SLC17A6: variants seen among roughly 807,000 people sequenced by gnomAD.
SLC17A6 encodes solute carrier family 17 member 6, also known as vesicular glutamate transporter 2.
SLC17A6 carries 35 observed loss-of-function variants against 67.1 expected under a neutral mutation model. That is an observed-to-expected ratio of 0.52 (90% CI 0.40 to 0.69). SLC17A6 has a LOEUF of 0.69. Among genes scored for constraint, SLC17A6 ranks in the 30% least tolerant of loss-of-function variants. The pLI is 0.00. For missense variants in SLC17A6, 588 were observed against 723.9 expected (o/e 0.81, Z 2.15); for synonymous variants, 285 against 252.3 (o/e 1.13, Z -1.23).
At chr11:22,375,557 C>G (rs1282671737) in intron 9 of SLC17A6, among the ~76,000 whole-genome samples, 1 of 151,466 alleles carries the variant, frequency 6.6e-6, no homozygotes, top group East Asian at 2.0e-4. Flanking sequence ...CTCGGCTCAC[C>G]ACAACCCCCG....
intron 1 of SLC17A6, among the ~76,000 whole-genome samples, chr11:22,339,820 G>T (rs1328254357): frequency 6.6e-6 from 1 of 152,050 alleles, no homozygotes; most frequent in Non-Finnish European, 1.5e-5. Context: ...CAGCTACCAT[G>T]GAAAGGGATG....
intron 3 of SLC17A6, among the ~76,000 whole-genome samples, chr11:22,345,201 C>G: frequency 6.7e-6 from 1 of 148,870 alleles, no homozygotes; most frequent in Non-Finnish European, 1.5e-5. Flanking sequence ...CGGGTTTTTC[C>G]GATTATTTAA....
chr11:22,366,095 A>G (rs774578078), intron 7 of SLC17A6, among the ~76,000 whole-genome samples: 1 of 152,108 alleles, frequency 6.6e-6, no homozygotes, highest in Admixed American at 6.6e-5. Context: ...GAACAGATCT[A>G]TTCCAAGACC....
intron 3 of SLC17A6, among the ~76,000 whole-genome samples, chr11:22,352,742 AAGAGGTGTGT>A (rs1855955170): frequency 1.3e-5 from 2 of 152,178 alleles, no homozygotes; most frequent in Admixed American, 6.5e-5. Context: ...CTAGTTGAAA[AAGAGGTGTGT>A]TTTTGAGGGT....
chr11:22,352,803 C>T (rs1004155816), intron 3 of SLC17A6, among the ~76,000 whole-genome samples: 2 of 152,244 alleles, frequency 1.3e-5, no homozygotes, highest in Admixed American at 1.3e-4. Context: ...TGGAAGGACA[C>T]TGAGACAGTT....
intron 3 of SLC17A6, 77 bp downstream of exon 3, chr11:22,343,442 G>GACA (rs1855842354): frequency 7.8e-7 from 1 of 1,282,580 alleles, no homozygotes; most frequent in African/African-American, 1.5e-5. Context: ...CTGGAGCAGA[G>GACA]ACAACAGCCC....
intron 6 of SLC17A6, among the ~76,000 whole-genome samples, chr11:22,363,640 A>C (rs926719922): frequency 8.5e-5 from 13 of 152,176 alleles, no homozygotes; most frequent in Non-Finnish European, 1.9e-4. Context: ...AAATGTTCTC[A>C]TCAGAACAAA....
intron 8 of SLC17A6, among the ~76,000 whole-genome samples, chr11:22,372,303 A>G (rs759382022): frequency 6.6e-6 from 1 of 151,292 alleles, no homozygotes; most frequent in Non-Finnish European, 1.5e-5. Flanking sequence ...ATATATCATT[A>G]TATATTGGCA....
intron 3 of SLC17A6, among the ~76,000 whole-genome samples, chr11:22,351,076 T>A (rs2133863850): frequency 6.6e-6 from 1 of 152,246 alleles, no homozygotes; most frequent in African/African-American, 2.4e-5. Context: ...GGAAAGAGAA[T>A]ATATAAATTA....
chr11:22,369,503 T>G (rs1590393097), intron 7 of SLC17A6, among the ~76,000 whole-genome samples: 1 of 152,032 alleles, frequency 6.6e-6, no homozygotes, highest in East Asian at 1.9e-4. Flanking sequence ...AATTTATGAT[T>G]GATTGATAGT....
Position 22,341,573 on chromosome 11 carries a change from G to T in SLC17A6, c.132G>T (p.Thr44=), listed in dbSNP as rs1231565262. 6.2e-7 allele frequency: 1 copy of T among 1,613,940 alleles called. No homozygotes were observed. The highest frequency in any genetic ancestry group is 8.5e-7 in the Non-Finnish European group (1 of 1,180,032). ...KQDTGETIEL[T]EDGKPLEVPE... ...ACACCGGGGAGACAATCGAGCTGAC[G>T]GAGGATGGGAAGCCCCTAGAGGTGC... The change falls in exon 2 of 12, where the codon ACG becomes ACT. Residue 44 remains threonine (T), a synonymous_variant. Transcript: ENST00000263160.
chr11:22,344,604 T>G (rs965600626), intron 3 of SLC17A6, among the ~76,000 whole-genome samples: 1 of 152,176 alleles, frequency 6.6e-6, no homozygotes, highest in Non-Finnish European at 1.5e-5. Context: ...CGTCTTTACT[T>G]GAAATACGGA....
intron 8 of SLC17A6, among the ~76,000 whole-genome samples, chr11:22,373,050 C>T (rs927331766): frequency 7.2e-5 from 11 of 152,116 alleles, no homozygotes; most frequent in Admixed American, 3.3e-4. Flanking sequence ...ATTTTTAGCA[C>T]CTTGCATTTT....
chr11:22,357,008 A>G (rs760412329), intron 3 of SLC17A6, among the ~76,000 whole-genome samples: 2 of 152,232 alleles, frequency 1.3e-5, no homozygotes, highest in Non-Finnish European at 2.9e-5. Flanking sequence ...ATTTAAATTT[A>G]CAGTTTGAAT....
intron 3 of SLC17A6, among the ~76,000 whole-genome samples, chr11:22,345,068 G>C (rs1466478737): frequency 6.6e-5 from 10 of 151,984 alleles, no homozygotes. Context: ...GTGACTTTAA[G>C]GGTTTTTTTC....
At chr11:22,368,754 T>A (rs1047848318) in intron 7 of SLC17A6, among the ~76,000 whole-genome samples, 2 of 152,096 alleles carry the variant, frequency 1.3e-5, no homozygotes, top group Non-Finnish European at 2.9e-5. Context: ...TGTACGCATC[T>A]GGAATTATTT....
At chr11:22,369,601 C>G (rs1856151909) in intron 7 of SLC17A6, among the ~76,000 whole-genome samples, 1 of 151,862 alleles carries the variant, frequency 6.6e-6, no homozygotes, top group South Asian at 2.1e-4. Flanking sequence ...TTGTATCTTT[C>G]TTTTCATGAA....
At chr11:22,340,174 A>G (rs972932726) in intron 1 of SLC17A6, among the ~76,000 whole-genome samples, 1 of 152,236 alleles carries the variant, frequency 6.6e-6, no homozygotes, top group South Asian at 2.1e-4. Flanking sequence ...GTGTGTGAAA[A>G]CAATTGGGTG....
chr11:22,370,615 C>G (rs1429344636), intron 8 of SLC17A6, among the ~76,000 whole-genome samples: 1 of 152,094 alleles, frequency 6.6e-6, no homozygotes, highest in Non-Finnish European at 1.5e-5. Context: ...TCTTGTCCAG[C>G]TACAAGATAT....
Sources: allele counts gnomAD v4.1 joint callset (sites outside exome capture counted in the v4.1 genomes callset), GRCh38; gene constraint gnomAD v4.1.1; transcripts MANE v1.5; gene names NCBI Gene and HGNC (gene_info 2026-07-23, HGNC 2026-07-21).